The following NUDT3 variants were observed in gnomAD, a reference collection of about 807,000 sequenced individuals.
NUDT3 encodes the protein diphosphoinositol polyphosphate phosphohydrolase 1.
In NUDT3, 9 loss-of-function variants were observed where a neutral mutation model predicts 23.6. That is an observed-to-expected ratio of 0.38 (90% CI 0.23 to 0.66). NUDT3 has a LOEUF of 0.66. NUDT3 is among the 30% of genes least tolerant of loss of function. The pLI is 0.52. For synonymous variants in NUDT3, 86 were observed against 82.6 expected (o/e 1.04, Z -0.22); for missense variants, 172 against 218.5 (o/e 0.79, Z 1.34).
At chr6:34,294,040 C>T (rs1026775746) in intron 3 of NUDT3, among the ~76,000 whole-genome samples, 2 of 152,184 alleles carry the variant, frequency 1.3e-5, no homozygotes, top group African/African-American at 2.4e-5. Flanking sequence ...TACGGTAGAG[C>T]GCAGTGGCAT....
intron 2 of NUDT3, among the ~76,000 whole-genome samples, chr6:34,325,990 C>T (rs749378710): frequency 6.6e-5 from 10 of 151,680 alleles, no homozygotes; most frequent in Non-Finnish European, 1.0e-4. Context: ...TGAAAAATGT[C>T]AAACATACAG....
rs1434088769 is a variant in NUDT3, at chr6:34,350,076, G to A, written c.100-8104C>T. Among the ~76,000 whole-genome samples the A allele has an allele frequency of 4.7e-5, 7 of 149,500 alleles. 1 individual carries two copies. The highest frequency in any genetic ancestry group is 1.9e-4 in the East Asian group (1 of 5,174). On this transcript the variant is annotated intron_variant, in intron 1 of 4. Transcript: ENST00000607016. ...TGCACTCCAGCCTGGGCGACAGAGCGAAACTCCGTCTCAAAAAAAAAGAAA... is the reference window on the plus strand; with the variant it reads ...TGCACTCCAGCCTGGGCGACAGAGCAAAACTCCGTCTCAAAAAAAAAGAAA...
At chr6:34,317,038 A>G (rs1763872495) in intron 2 of NUDT3, among the ~76,000 whole-genome samples, 1 of 152,134 alleles carries the variant, frequency 6.6e-6, no homozygotes, top group Non-Finnish European at 1.5e-5. Flanking sequence ...ACGTATTCTG[A>G]AGGTAGAGCC....
intron 2 of NUDT3, among the ~76,000 whole-genome samples, chr6:34,318,233 T>C (rs1259179489): frequency 6.6e-6 from 1 of 152,186 alleles, no homozygotes; most frequent in Non-Finnish European, 1.5e-5. Flanking sequence ...GCACTTTAAA[T>C]ACTAACTTTT....
intron 1 of NUDT3, among the ~76,000 whole-genome samples, chr6:34,367,767 G>A (rs1384174459): frequency 6.6e-6 from 1 of 152,156 alleles, no homozygotes; most frequent in Non-Finnish European, 1.5e-5. Context: ...GGACATTGCT[G>A]CTCTAAGGCA....
intron 1 of NUDT3, among the ~76,000 whole-genome samples, chr6:34,362,333 C>T (rs1335565076): frequency 6.6e-6 from 1 of 152,068 alleles, no homozygotes; most frequent in African/African-American, 2.4e-5. Context: ...AGCATGCCAC[C>T]ACACCTGGCT....
At chr6:34,290,239 T>C (rs763016221) in intron 4 of NUDT3, among the ~76,000 whole-genome samples, 2 of 148,782 alleles carry the variant, frequency 1.3e-5, no homozygotes, top group African/African-American at 5.1e-5. Flanking sequence ...TTCTTTTTCT[T>C]TCTCTCTTTT....
chr6:34,339,870 C>A (rs1764262896), intron 2 of NUDT3, among the ~76,000 whole-genome samples: 1 of 152,204 alleles, frequency 6.6e-6, no homozygotes. Flanking sequence ...ATTTTATCTT[C>A]TCTTATTGGC....
chr6:34,387,778 G>A (rs1489768409), intron 1 of NUDT3, among the ~76,000 whole-genome samples: 6 of 149,708 alleles, frequency 4.0e-5, no homozygotes, highest in African/African-American at 1.2e-4. Flanking sequence ...TATTACAAAC[G>A]AGTCAGAATG....
intron 1 of NUDT3, among the ~76,000 whole-genome samples, chr6:34,363,974 C>T (rs1033268013): frequency 3.3e-5 from 5 of 151,966 alleles, no homozygotes; most frequent in East Asian, 1.9e-4. Flanking sequence ...GGTTTCACCA[C>T]GGTTGTCGCC....
intron 1 of NUDT3, among the ~76,000 whole-genome samples, chr6:34,366,798 T>C (rs1764742476): frequency 1.3e-5 from 2 of 152,122 alleles, no homozygotes; most frequent in Non-Finnish European, 1.5e-5. Flanking sequence ...GAAGTGACAG[T>C]TGCACAACAA....
rs1764043685 is a variant in NUDT3, at chr6:34,326,964, G to GAC, written c.210+14896_210+14897dup. Reference sequence around the variant, plus strand: ...CGAGAGAGAGATCGTACGAAATAAAGACACAGGACAAAGAGATAAAGAGAA... The same window carrying GAC: ...CGAGAGAGAGATCGTACGAAATAAAGACACACAGGACAAAGAGATAAAGAGAA... On this transcript the variant is annotated intron_variant, in intron 2 of 4. Transcript: ENST00000607016. 3.3e-5 allele frequency among the ~76,000 whole-genome samples: 5 copies of GAC among 152,228 alleles called. No homozygotes were observed. The South Asian group carries it at 1.0e-3, about 32-fold the overall frequency.
chr6:34,321,061 C>T (rs1408139752), intron 2 of NUDT3, among the ~76,000 whole-genome samples: 1 of 152,096 alleles, frequency 6.6e-6, no homozygotes, highest in Non-Finnish European at 1.5e-5. Flanking sequence ...TGCATTATGT[C>T]AGATGTGTGG....
intron 2 of NUDT3, among the ~76,000 whole-genome samples, chr6:34,308,214 T>C (rs1301382298): frequency 1.5e-5 from 2 of 133,842 alleles, no homozygotes; most frequent in Non-Finnish European, 3.1e-5. Context: ...TCCCAGCACT[T>C]AGGGAGGCGG....
intron 1 of NUDT3, among the ~76,000 whole-genome samples, chr6:34,387,554 G>T (rs556259648): frequency 1.1e-4 from 16 of 151,906 alleles, no homozygotes; most frequent in Non-Finnish European, 1.9e-4. Flanking sequence ...GAAAACATTA[G>T]CCAGGCATGG....
chr6:34,335,136 C>A (rs1344569260), intron 2 of NUDT3, among the ~76,000 whole-genome samples: 2 of 152,086 alleles, frequency 1.3e-5, no homozygotes, highest in African/African-American at 2.4e-5. Flanking sequence ...ATGAGTGAAC[C>A]TACTAGAAGG....
intron 1 of NUDT3, among the ~76,000 whole-genome samples, chr6:34,358,430 A>G (rs1349683361): frequency 1.3e-5 from 2 of 152,174 alleles, no homozygotes; most frequent in Admixed American, 1.3e-4. Flanking sequence ...TTCTCTGCAC[A>G]GACCTTATCT....
At chr6:34,359,771 T>G (rs1764618964) in intron 1 of NUDT3, among the ~76,000 whole-genome samples, 1 of 152,202 alleles carries the variant, frequency 6.6e-6, no homozygotes, top group Admixed American at 6.5e-5. Context: ...TTCAATCCCT[T>G]TAAGTACATA....
At chr6:34,349,160 A>G (rs544162354) in intron 1 of NUDT3, among the ~76,000 whole-genome samples, 30 of 152,274 alleles carry the variant, frequency 2.0e-4, no homozygotes, top group African/African-American at 7.0e-4. Flanking sequence ...GTTGGCCTCT[A>G]AAACCCAATT....
Sources: gnomAD v4.1 joint callset for allele counts (sites outside exome capture counted in the v4.1 genomes callset) on GRCh38, gnomAD v4.1.1 for gene constraint, MANE v1.5 for transcripts, NCBI Gene and HGNC (gene_info 2026-07-23, HGNC 2026-07-21) for gene names.